PCDH1: variants seen among roughly 807,000 people sequenced by gnomAD.
PCDH1 encodes protocadherin-1.
Under a neutral mutation model 74.6 loss-of-function variants are expected in PCDH1, and 23 were observed. The ratio of observed to expected loss-of-function variants is 0.31; its 90% CI spans 0.22 to 0.44. The LOEUF (loss-of-function observed/expected upper bound fraction) is 0.44. Ranked by LOEUF, PCDH1 falls within the 20% of genes least tolerant of loss-of-function variation. The pLI is 1.00. For missense variants in PCDH1, 1,214 were observed against 1,641.4 expected (o/e 0.74, Z 4.50); for synonymous variants, 647 against 686.1 (o/e 0.94, Z 0.89).
At chr5:141,877,579 G>A (rs1007728231) in intron 1 of PCDH1, among the ~76,000 whole-genome samples, 1 of 152,218 alleles carries the variant, frequency 6.6e-6, no homozygotes, top group Non-Finnish European at 1.5e-5. Context: ...ACCCGGTTGT[G>A]TTATTGCTCT....
Position 141,868,450 on chromosome 5 carries a change from G to A in PCDH1, c.903+119C>T. 3.4e-6 allele frequency: 5 copies of A among 1,457,062 alleles called. No homozygotes were observed. Among genetic ancestry groups the A allele is most frequent in the Non-Finnish European group, 4.5e-6 (5 of 1,108,244 alleles). The allele number at this position is 1,457,062 out of a possible 1,614,324, so 90.3% of individuals were successfully genotyped here. ...CCCTGGCTGAGTTTGGGGAGAAGGG[G>A]TCTCACTACAGTATTCTGGCAGTTT... On this transcript the variant is annotated intron_variant, in intron 2 of 4. Transcript: ENST00000287008. This position sits in a 1 kb window ranked among gnomAD's most constrained non-coding sequence, Gnocchi z 4.8.
intron 2 of PCDH1, chr5:141,867,666 G>C: frequency 2.3e-6 from 1 of 441,500 alleles, no homozygotes; most frequent in South Asian, 1.6e-5. Flanking sequence ...ACTTTGGCTT[G>C]AGGACCCAGG....
At position 141,864,754 on chromosome 5, in the gene PCDH1, G is replaced by A. The variant is rs760996352; in HGVS notation, c.1577C>T (p.Ala526Val). The A allele has an allele frequency of 3.1e-6, 5 of 1,614,038 alleles. No individual in the cohort carries two copies. The East Asian group carries it at 6.7e-5, about 22-fold the overall frequency. The change falls in exon 3 of 5, where the codon GCT becomes GTT. Residue 526 changes from alanine (A) to valine (V), a missense_variant. Around this residue, in one of 4 missense-constraint regions of PCDH1, gnomAD observed 836 missense variants for 1,182.2 expected, o/e 0.71. Coordinates refer to ENST00000287008, the MANE Select transcript of PCDH1 (RefSeq NM_032420.5). The surrounding 1 kb of genome is among the most constrained non-coding windows in gnomAD (Gnocchi z 5.9). ...PENNKPGEVI[A>V]EITASDADSG... ...GTCAGCATCACTGGCAGTGATCTCA[G>A]CAATCACTTCACCAGGCTTGTTGTT...
At chr5:141,875,195 A>AT (rs914216516) in intron 1 of PCDH1, among the ~76,000 whole-genome samples, 11 of 151,466 alleles carry the variant, frequency 7.3e-5, no homozygotes, top group South Asian at 2.1e-4. Flanking sequence ...AGGACAAATC[A>AT]TTTTTTTTTC....
At chr5:141,857,712 C>T (rs753366231) in intron 3 of PCDH1, among the ~76,000 whole-genome samples, 7 of 152,186 alleles carry the variant, frequency 4.6e-5, no homozygotes, top group African/African-American at 1.2e-4. Flanking sequence ...CCCAATACAG[C>T]GCAGGCCCCA....
chr5:141,856,397 C>A (rs905754010), intron 4 of PCDH1: 6 of 776,936 alleles, frequency 7.7e-6, no homozygotes, highest in Non-Finnish European at 1.3e-5. Context: ...GGCCCTGTGC[C>A]TGAGGCAGGG....
rs772869932 is a variant in PCDH1, at chr5:141,869,366, G to A, written c.106C>T (p.Arg36Trp). The A allele has an allele frequency of 3.3e-5, 52 of 1,597,194 alleles. No individual in the cohort carries two copies. The highest frequency in any genetic ancestry group is 1.1e-4 in the African/African-American group (8 of 74,830). The change falls in exon 2 of 5, where the codon CGG becomes TGG. Residue 36 changes from arginine (R) to tryptophan (W), a missense_variant. Coordinates refer to ENST00000287008, the MANE Select transcript of PCDH1 (RefSeq NM_032420.5). The surrounding 1 kb of genome is among the most constrained non-coding windows in gnomAD (Gnocchi z 4.9). ...AGCAGCATGGAGGGCAGCAGTAGCCGTTGCCCCCCAGGGCCTGGGCTGTGC... is the reference window on the plus strand; with the variant it reads ...AGCAGCATGGAGGGCAGCAGTAGCCATTGCCCCCCAGGGCCTGGGCTGTGC... ...LRHSPGPGGQRLLLPSMLLAL... is the reference protein window; with the variant it reads ...LRHSPGPGGQWLLLPSMLLAL...
chr5:141,855,431 T>C (rs1752298882), intron 4 of PCDH1, among the ~76,000 whole-genome samples: 1 of 152,112 alleles, frequency 6.6e-6, no homozygotes. Context: ...TCAGGTGGGG[T>C]TGAGGAAACC....
At chr5:141,867,664 T>C (rs1272481741) in intron 2 of PCDH1, 2 of 441,442 alleles carry the variant, frequency 4.5e-6, no homozygotes, top group Non-Finnish European at 9.0e-6. Flanking sequence ...CCACTTTGGC[T>C]TGAGGACCCA....
chr5:141,877,954 C>A (rs1753282049), intron 1 of PCDH1, among the ~76,000 whole-genome samples: 1 of 152,190 alleles, frequency 6.6e-6, no homozygotes, highest in Non-Finnish European at 1.5e-5. Flanking sequence ...TCTCTCCGAG[C>A]GCGCCCAGGT....
In PCDH1 at chr5:141,864,175, G is replaced by A. The variant is rs1291017286; in HGVS notation, c.2156C>T (p.Ser719Phe). Residue 719 changes from serine to phenylalanine, a missense_variant, in exon 3 of 5, where the codon TCT becomes TTT. Ser to Phe is a radical substitution (Grantham distance 155). Transcript: ENST00000287008. This position sits in a 1 kb window ranked among gnomAD's most constrained non-coding sequence, Gnocchi z 5.9. ...NDNAPYITAPSNTSHKLLTPQ... is the reference protein window; with the variant it reads ...NDNAPYITAPFNTSHKLLTPQ... ...GGTCAGCAGCTTGTGAGAGGTGTTA[G>A]AAGGGGCAGTGATATAGGGTGCGTT... 3 of 1,607,960 alleles carry A rather than the reference G, an allele frequency of 1.9e-6. No homozygotes were observed. Among genetic ancestry groups the A allele is most frequent in the Non-Finnish European group, 2.6e-6 (3 of 1,175,516 alleles).
chr5:141,859,290 T>TG (rs1752478931), intron 3 of PCDH1, among the ~76,000 whole-genome samples: 1 of 152,212 alleles, frequency 6.6e-6, no homozygotes, highest in Non-Finnish European at 1.5e-5. Context: ...ATCTGGTAAT[T>TG]GAAGGCTTTG....
rs748250955 is a variant in PCDH1, at chr5:141,865,143, A to G, written c.1188T>C (p.Thr396=). 1.9e-6 allele frequency: 3 copies of G among 1,614,086 alleles called. No individual in the cohort carries two copies. Among genetic ancestry groups the G allele is most frequent in the East Asian group, 2.2e-5 (1 of 44,876 alleles). The change falls in exon 3 of 5, where the codon ACT becomes ACC. Residue 396 remains threonine, a synonymous_variant. Coordinates refer to ENST00000287008, the MANE Select transcript of PCDH1 (RefSeq NM_032420.5). This position sits in a 1 kb window ranked among gnomAD's most constrained non-coding sequence, Gnocchi z 4.4. ...AGATGTTAGCCATCCCATCTTGATG[A>G]GTCACTAGCCCTATGCCCCGGATCT... ...TIEIRGIGLV[T]HQDGMANISE...
Position 141,864,458 on chromosome 5 carries a change from T to A in PCDH1, c.1873A>T (p.Met625Leu). The A allele has an allele frequency of 6.2e-7, 1 of 1,614,120 alleles. No individual in the cohort carries two copies. The highest frequency in any genetic ancestry group is 8.5e-7 in the Non-Finnish European group (1 of 1,180,020). The part of the protein sequence containing the change: ...SGYNFSVMEN[M>L]PALSPVGMVT... ...ATGCCCACTGGACTCAGTGCTGGCA[T>A]GTTCTCCATCACTGAGAAGTTGTAG... Residue 625 changes from methionine (M) to leucine (L), a missense_variant, in exon 3 of 5, where the codon ATG (methionine) becomes TTG (leucine). Met to Leu is a conservative substitution (Grantham distance 15). Transcript: ENST00000287008. The surrounding 1 kb of genome is among the most constrained non-coding windows in gnomAD (Gnocchi z 5.9).
intron 1 of PCDH1, among the ~76,000 whole-genome samples, chr5:141,873,542 G>T (rs543783667): frequency 1.5e-4 from 22 of 151,090 alleles, no homozygotes; most frequent in African/African-American, 5.4e-4. Context: ...CGCCTGCCAG[G>T]TTCACGCCAT....
chr5:141,865,608 C>A lies in PCDH1; in HGVS notation c.904-181G>T, dbSNP rs2126819962. Among the ~76,000 whole-genome samples, 1 of 152,300 alleles carries A rather than the reference C, an allele frequency of 6.6e-6. No individual in the cohort carries two copies. Among genetic ancestry groups the A allele is most frequent in the South Asian group, 2.1e-4 (1 of 4,820 alleles). On this transcript the variant is annotated intron_variant, in intron 2 of 4. Transcript: ENST00000287008. The surrounding 1 kb of genome is among the most constrained non-coding windows in gnomAD (Gnocchi z 4.4). ...CCTTTTCCCAATTCGGACATTCTGG[C>A]AGGCATTACTAACCTATTTTCCTGA...
intron 3 of PCDH1, among the ~76,000 whole-genome samples, chr5:141,861,789 G>A (rs908536304): frequency 3.3e-5 from 5 of 152,004 alleles, no homozygotes; most frequent in African/African-American, 1.2e-4. Flanking sequence ...CCTCAGCCAC[G>A]ATTTAGCCTT....
rs374090402 is a variant in PCDH1, at chr5:141,864,198, G to A, written c.2133C>T (p.Asn711=). The A allele has an allele frequency of 9.5e-5, 152 of 1,606,768 alleles. No homozygotes were observed. Among genetic ancestry groups the A allele is most frequent in the Middle Eastern group, 5.0e-4 (3 of 6,044 alleles). The change falls in exon 3 of 5, where the codon AAC becomes AAT. Residue 711 remains asparagine, a synonymous_variant. Transcript: ENST00000287008. This position sits in a 1 kb window ranked among gnomAD's most constrained non-coding sequence, Gnocchi z 5.9. The part of the protein sequence containing the change: ...VTINVLDEND[N]APYITAPSNT... ...TAGAAGGGGCAGTGATATAGGGTGC[G>A]TTGTCATTCTCGTCCAGCACATTGA...
intron 1 of PCDH1, among the ~76,000 whole-genome samples, chr5:141,873,548 G>A (rs1424973029): frequency 6.6e-6 from 1 of 150,690 alleles, no homozygotes; most frequent in Non-Finnish European, 1.5e-5. Flanking sequence ...CCAGGTTCAC[G>A]CCATTCTCCT....
Sources: gnomAD v4.1 joint callset for allele counts (sites outside exome capture counted in the v4.1 genomes callset) on GRCh38, gnomAD v4.1.1 for gene constraint, gnomAD v4.1.1 regional missense constraint, Gnocchi (gnomAD v3.1) non-coding constraint, MANE v1.5 for transcripts, NCBI Gene and HGNC (gene_info 2026-07-23, HGNC 2026-07-21) for gene names.